The following TUFT1 variants were observed in gnomAD, a reference collection of about 807,000 sequenced individuals.
TUFT1 encodes the protein tuftelin.
TUFT1 carries 43 observed loss-of-function variants against 57.8 expected under a neutral mutation model. The observed-to-expected ratio is 0.74, with a 90% confidence interval of 0.58 to 0.96. The LOEUF is 0.96. Among genes scored for constraint, TUFT1 ranks in the 40% least tolerant of loss-of-function variants. The probability of loss-of-function intolerance (pLI) is 0.00; values close to 1 mark genes in which losing one functional copy is unlikely to be tolerated. For synonymous variants in TUFT1, 166 were observed against 176.7 expected (o/e 0.94, Z 0.48); for missense variants, 459 against 489.0 (o/e 0.94, Z 0.58).
At position 151,560,957 on chromosome 1, in the gene TUFT1, TGTGTGTGTGTGTG is replaced by T. The variant is rs1571700226; in HGVS notation, c.61-1133_61-1121del. Reference sequence around the variant, plus strand: ...GTTTTTAATTTTCCCTGCAAAGTATTGTGTGTGTGTGTGTGTGTGTGTGTGTGTGTGTGTGTGT... The same window carrying T: ...GTTTTTAATTTTCCCTGCAAAGTATTTGTGTGTGTGTGTGTGTGTGTGTGT... On this transcript the variant is annotated intron_variant, in intron 1 of 12. Transcript: ENST00000368849. 8.0e-4 allele frequency among the ~76,000 whole-genome samples: 7 copies of T among 8,760 alleles called. No homozygotes were observed. In the South Asian group the frequency reaches 0.11, roughly 133 times the overall value. 5.7% of individuals were successfully genotyped at this position (8,760 alleles called of 152,430 possible).
rs1666631106 is a variant in TUFT1 at position 151,581,016 on chromosome 1, C to T, written c.1083C>T (p.Ala361=). ...GTCATGGCAACTTCAGCACCCAGGCCCGGGCCAAGACAGAGAACCCGGGCA... is the reference window on the plus strand; with the variant it reads ...GTCATGGCAACTTCAGCACCCAGGCTCGGGCCAAGACAGAGAACCCGGGCA... ...QISHGNFSTQ[A]RAKTENPGSI... is the part of the protein sequence containing the mutation. The change falls in exon 12 of 13, where the codon GCC becomes GCT. Residue 361 remains alanine (A), a synonymous_variant. Transcript: ENST00000368849. 1 of 1,613,988 alleles carries T rather than the reference C, an allele frequency of 6.2e-7. No individual in the cohort carries two copies. Among genetic ancestry groups the T allele is most frequent in the African/African-American group, 1.3e-5 (1 of 74,898 alleles).
intron 1 of TUFT1, chr1:151,557,723 A>G (rs1665752521): frequency 2.5e-6 from 2 of 793,058 alleles, no homozygotes; most frequent in African/African-American, 1.7e-5. Flanking sequence ...CTGCCACTCT[A>G]TGCTGCAGCC....
At chr1:151,556,389 C>G (rs1306902668) in intron 1 of TUFT1, among the ~76,000 whole-genome samples, 1 of 150,942 alleles carries the variant, frequency 6.6e-6, no homozygotes, top group Admixed American at 6.6e-5. Context: ...TTTCTCCTCC[C>G]CCTCCCCGTC....
At chr1:151,542,477 C>A (rs1361495439) in intron 1 of TUFT1, among the ~76,000 whole-genome samples, 1 of 152,038 alleles carries the variant, frequency 6.6e-6, no homozygotes, top group Non-Finnish European at 1.5e-5. Context: ...AGCAGTCTGC[C>A]CACCTTGGCC....
chr1:151,564,477 C>A, intron 4 of TUFT1, 48 bp from the exon 5 acceptor site: 1 of 1,453,120 alleles, frequency 6.9e-7, no homozygotes, highest in Non-Finnish European at 9.6e-7. Flanking sequence ...AGTTGGCATG[C>A]TCTCTTTCTC....
At chr1:151,546,261 A>C (rs988641098) in intron 1 of TUFT1, among the ~76,000 whole-genome samples, 3 of 152,108 alleles carry the variant, frequency 2.0e-5, no homozygotes, top group Middle Eastern at 3.2e-3. Context: ...TCAGAAGCTC[A>C]AGTAGTTTAA....
intron 7 of TUFT1, among the ~76,000 whole-genome samples, chr1:151,573,771 T>A (rs569366745): frequency 2.0e-5 from 3 of 152,238 alleles, no homozygotes; most frequent in Middle Eastern, 3.4e-3. Flanking sequence ...AATAAATAAA[T>A]AAGACAAATT....
At chr1:151,580,329 C>G (rs574755676) in intron 11 of TUFT1, among the ~76,000 whole-genome samples, 1 of 151,984 alleles carries the variant, frequency 6.6e-6, no homozygotes, top group East Asian at 1.9e-4. Flanking sequence ...AATAGCGTAT[C>G]AACAAAGGCA....
At chr1:151,566,970 G>T (rs959284538) in intron 6 of TUFT1, among the ~76,000 whole-genome samples, 7 of 152,066 alleles carry the variant, frequency 4.6e-5, no homozygotes, top group African/African-American at 1.7e-4. Flanking sequence ...ACCCAGGCTG[G>T]AGTGCAGTGG....
At chr1:151,551,606 G>A (rs1665512371) in intron 1 of TUFT1, among the ~76,000 whole-genome samples, 1 of 152,108 alleles carries the variant, frequency 6.6e-6, no homozygotes, top group African/African-American at 2.4e-5. Flanking sequence ...CCCGGTCGGA[G>A]AAAGCAACAT....
chr1:151,561,769 A>G (rs1183194939), intron 1 of TUFT1: 10 of 1,344,694 alleles, frequency 7.4e-6, no homozygotes, highest in Non-Finnish European at 9.8e-6. Context: ...CCTCTCTACA[A>G]CTAGAGAAAG....
intron 1 of TUFT1, among the ~76,000 whole-genome samples, chr1:151,560,957 TGTG>T (rs1665864772): frequency 1.1e-4 from 1 of 8,752 alleles, no homozygotes; most frequent in Non-Finnish European, 1.1e-3. Flanking sequence ...TGCAAAGTAT[TGTG>T]TGTGTGTGTG....
Position 151,580,959 on chromosome 1 carries a change from C to T in TUFT1, c.1026C>T (p.Asp342=), listed in dbSNP as rs764796023. The stretch of plus-strand genomic sequence containing the variant: ...TGTTACAGAATTTAGAGATGCATGA[C>T]CGGATGGAACACCTGATAGAAAAAC... The part of the protein sequence containing the change: ...YLEAENLEMH[D]RMEHLIEKQI... Residue 342 remains aspartate (D), a synonymous_variant, in exon 12 of 13, where the codon GAC becomes GAT. Coordinates refer to ENST00000368849, the MANE Select transcript of TUFT1 (RefSeq NM_020127.3). 28 of 1,614,020 alleles carry T rather than the reference C, an allele frequency of 1.7e-5. No homozygotes were observed. The highest frequency in any genetic ancestry group is 5.0e-5 in the Admixed American group (3 of 59,996).
At chr1:151,563,575 T>C (rs888247899) in intron 3 of TUFT1, among the ~76,000 whole-genome samples, 5 of 152,174 alleles carry the variant, frequency 3.3e-5, no homozygotes, top group Admixed American at 2.6e-4. Context: ...CTCTGTGATG[T>C]TTGTACAAGG....
At chr1:151,576,034 A>T (rs1270993795) in intron 9 of TUFT1, among the ~76,000 whole-genome samples, 1 of 152,180 alleles carries the variant, frequency 6.6e-6, no homozygotes, top group Non-Finnish European at 1.5e-5. Flanking sequence ...GGACTAGATA[A>T]TCGGAAGCCA....
chr1:151,572,022 A>G lies in TUFT1; in HGVS notation c.595-2248A>G, dbSNP rs545253908. Among the ~76,000 whole-genome samples the G allele has an allele frequency of 1.3e-3, 202 of 152,162 alleles. 2 individuals are homozygous for G. Among genetic ancestry groups the G allele is most frequent in the Non-Finnish European group, 2.5e-3 (171 of 68,000 alleles). ...GGAGTTTGAGACCAGCCTGGCCAGC[A>G]TAGATCTCATCTCTACAAAAATAAA... On this transcript the variant is annotated intron_variant, in intron 7 of 12. Coordinates refer to ENST00000368849, the MANE Select transcript of TUFT1 (RefSeq NM_020127.3).
intron 1 of TUFT1, chr1:151,561,842 A>G: frequency 6.8e-7 from 1 of 1,470,766 alleles, no homozygotes; most frequent in Non-Finnish European, 9.0e-7. Context: ...GGAGCTCTAC[A>G]GAGCCATGTG....
intron 7 of TUFT1, among the ~76,000 whole-genome samples, chr1:151,571,367 C>T (rs143149212): frequency 3.3e-5 from 5 of 151,398 alleles, no homozygotes; most frequent in East Asian, 1.9e-4. Flanking sequence ...TTGTGTAGAT[C>T]GAGTGAGGTA....
intron 2 of TUFT1, 105 bp downstream of exon 2, chr1:151,562,270 C>A: frequency 1.0e-6 from 1 of 1,000,370 alleles, no homozygotes; most frequent in South Asian, 1.5e-5. Context: ...GTGATGCGAG[C>A]GTGGGAGCCC....
Sources: gnomAD v4.1 joint callset for allele counts (sites outside exome capture counted in the v4.1 genomes callset) on GRCh38, gnomAD v4.1.1 for gene constraint, MANE v1.5 for transcripts, NCBI Gene and HGNC (gene_info 2026-07-23, HGNC 2026-07-21) for gene names.